The following CELA2B variants were observed in gnomAD, a reference collection of about 807,000 sequenced individuals.
The protein encoded by CELA2B is chymotrypsin like elastase 2B, also known as chymotrypsin-like elastase family member 2B.
CELA2B carries 27 observed loss-of-function variants against 36.5 expected under a neutral mutation model. The observed-to-expected ratio is 0.74, with a 90% CI of 0.55 to 1.02. The LOEUF is 1.02. Among genes scored for constraint, CELA2B ranks in the 50% least tolerant of loss-of-function variants. The probability of loss-of-function intolerance (pLI) is 0.00; values close to 1 mark genes in which losing one functional copy is unlikely to be tolerated. For synonymous variants in CELA2B, 143 were observed against 148.5 expected, an observed-to-expected ratio of 0.96 and a Z score of 0.27; for missense variants, 340 against 347.8, an observed-to-expected ratio of 0.98 and a Z score of 0.18.
At chr1:15,477,718 T>C (rs908721889) in intron 2 of CELA2B, among the ~76,000 whole-genome samples, 6 of 152,188 alleles carry the variant, frequency 3.9e-5, no homozygotes, top group African/African-American at 1.4e-4. Flanking sequence ...AAGAGCAATT[T>C]TTTAGGAATC....
At chr1:15,485,856 C>T (rs1235905163) in intron 5 of CELA2B, 45 bp from the exon 6 acceptor site, 1 of 1,606,808 alleles carries the variant, frequency 6.2e-7, no homozygotes, top group Admixed American at 1.7e-5. Flanking sequence ...TCCTTTTTCT[C>T]AGGAGTCCCT....
At chr1:15,486,171 G>A in intron 6 of CELA2B, 125 bp downstream of exon 6, 2 of 1,237,064 alleles carry the variant, frequency 1.6e-6, no homozygotes, top group East Asian at 2.4e-5. Flanking sequence ...CCCGGAAATG[G>A]TACCAGATAT....
At chr1:15,484,011 G>A (rs1708775536) in intron 5 of CELA2B, among the ~76,000 whole-genome samples, 1 of 152,128 alleles carries the variant, frequency 6.6e-6, no homozygotes, top group South Asian at 2.1e-4. Flanking sequence ...AGGAAGCCTG[G>A]CATGTGGTAG....
intron 2 of CELA2B, 85 bp from the exon 3 acceptor site, chr1:15,481,013 T>C: frequency 6.6e-7 from 1 of 1,506,738 alleles, no homozygotes; most frequent in East Asian, 2.3e-5. Flanking sequence ...CCCCTTACCC[T>C]TGTCCCAGCC....
chr1:15,482,373 C>A lies in CELA2B; in HGVS notation c.336C>A (p.Asn112Lys). Reference protein sequence around the residue: ...VSKIVVHKDWNSDQVSKGNDI... With the variant: ...VSKIVVHKDWKSDQVSKGNDI... ...AGATTGTGGTGCACAAGGACTGGAA[C>A]TCCGACCAGGTCTCCAAAGGGTTCG... Residue 112 changes from asparagine to lysine, a missense_variant, in exon 4 of 8, where the codon AAC (asparagine) becomes AAA (lysine). Asn to Lys is a moderately conservative substitution (Grantham distance 94, BLOSUM62 0). Transcript: ENST00000375910. The A allele has an allele frequency of 6.2e-7, 1 of 1,614,148 alleles. No individual in the cohort carries two copies. The highest frequency in any genetic ancestry group is 2.2e-5 in the East Asian group (1 of 44,880).
chr1:15,478,494 C>T (rs1268023451), intron 2 of CELA2B, among the ~76,000 whole-genome samples: 5 of 151,796 alleles, frequency 3.3e-5, no homozygotes, highest in South Asian at 4.1e-4. Context: ...CCACCTGCCT[C>T]GGCCTCCCAA....
At chr1:15,481,289 T>C (rs1708739587) in intron 3 of CELA2B, 94 bp downstream of exon 3, 4 of 1,443,702 alleles carry the variant, frequency 2.8e-6, no homozygotes, top group Non-Finnish European at 2.9e-6. Flanking sequence ...CTACATGAAG[T>C]AACCTTGCAA....
rs150590308 is a variant in CELA2B, at chr1:15,485,033, G to C, written c.494-868G>C. On this transcript the variant is annotated intron_variant, in intron 5 of 7. Transcript: ENST00000375910. The stretch of plus-strand genomic sequence containing the variant: ...CTGCCTCAGCCTCCTGAGCAGCTGG[G>C]ATTACAGGCATGTGCACCACGCCCA... Among the ~76,000 whole-genome samples, 185 of 152,154 alleles carry C rather than the reference G, an allele frequency of 1.2e-3. 1 individual carries two copies. The highest frequency in any genetic ancestry group is 4.2e-3 in the African/African-American group (175 of 41,500).
intron 3 of CELA2B, chr1:15,481,813 G>A: frequency 2.1e-6 from 1 of 467,618 alleles, no homozygotes; most frequent in South Asian, 1.6e-5. Flanking sequence ...AGCTCTAGGA[G>A]GTGATGGGGA....
intron 6 of CELA2B, 131 bp from the exon 7 acceptor site, chr1:15,487,154 C>G (rs1708814032): frequency 3.7e-6 from 3 of 807,884 alleles, no homozygotes; most frequent in Non-Finnish European, 6.1e-6. Context: ...CCACCTTGAG[C>G]TATGACCACA....
In CELA2B at chr1:15,487,333, G is replaced by C. The variant is rs769525946; in HGVS notation, c.688G>C (p.Glu230Gln). 17 of 1,614,220 alleles carry C rather than the reference G, an allele frequency of 1.1e-5. No individual in the cohort carries two copies. The highest frequency in any genetic ancestry group is 1.6e-4 in the Middle Eastern group (1 of 6,062). The change falls in exon 7 of 8, where the codon GAG (glutamate) becomes CAG (glutamine). Residue 230 changes from glutamate to glutamine, a missense_variant. Transcript: ENST00000375910. ...LNCQASDGRW[E>Q]VHGIGSLTSV... ...CTGTCAGGCATCTGACGGCCGGTGG[G>C]AGGTGCATGGCATCGGCAGCCTCAC...
intron 3 of CELA2B, 30 bp from the exon 4 acceptor site, chr1:15,482,235 G>A: frequency 6.2e-7 from 1 of 1,612,318 alleles, no homozygotes. Flanking sequence ...CTCTGGAGGT[G>A]ACCCTCTCCC....
intron 5 of CELA2B, among the ~76,000 whole-genome samples, chr1:15,483,802 G>A (rs1557525686): frequency 2.0e-5 from 3 of 151,986 alleles, no homozygotes; most frequent in Admixed American, 6.6e-5. Context: ...GGTGTTGTGC[G>A]CCTGTAGTCC....
At chr1:15,476,754 G>A (rs1171434166) in intron 2 of CELA2B, among the ~76,000 whole-genome samples, 1 of 152,122 alleles carries the variant, frequency 6.6e-6, no homozygotes, top group African/African-American at 2.4e-5. Context: ...AGGTCGTGGT[G>A]GGCAGATTAC....
intron 3 of CELA2B, chr1:15,481,788 A>C: frequency 2.1e-6 from 1 of 469,366 alleles, no homozygotes; most frequent in South Asian, 1.6e-5. Flanking sequence ...CCCTTCTCCC[A>C]TCCGACTTAT....
intron 6 of CELA2B, 35 bp downstream of exon 6, chr1:15,486,081 C>T (rs369557552): frequency 5.0e-6 from 8 of 1,601,710 alleles, no homozygotes; most frequent in Middle Eastern, 1.7e-4. Flanking sequence ...CGCTCCATGA[C>T]AAAATGTGGC....
Position 15,485,879 on chromosome 1 carries a change from G to A in CELA2B, c.494-22G>A, listed in dbSNP as rs758864976. Reference sequence around the variant, plus strand: ...CTCAGGAGTCCCTGCGTCCCTAATGGCTTCTCTCTGGTCTCATTCAGCCAA... The same window carrying A: ...CTCAGGAGTCCCTGCGTCCCTAATGACTTCTCTCTGGTCTCATTCAGCCAA... On this transcript the variant is annotated intron_variant, in intron 5 of 7. Transcript: ENST00000375910. 6 of 1,613,582 alleles carry A rather than the reference G, an allele frequency of 3.7e-6. No homozygotes were observed. In the South Asian group the frequency reaches 6.6e-5, roughly 18 times the overall value.
chr1:15,491,280 G>A lies in CELA2B; in HGVS notation c.793-15G>A. ...TACGTGAACCTGACAATTTTCTTGT[G>A]TGTGTGTCCTGCAGGTGATTGCAAA... On this transcript the variant is annotated splice_polypyrimidine_tract_variant and intron_variant, in intron 7 of 7. Transcript: ENST00000375910. The A allele has an allele frequency of 6.2e-7, 1 of 1,614,020 alleles. No homozygotes were observed. The highest frequency in any genetic ancestry group is 8.5e-7 in the Non-Finnish European group (1 of 1,179,896).
intron 6 of CELA2B, among the ~76,000 whole-genome samples, chr1:15,486,290 G>A (rs1464347392): frequency 6.6e-6 from 1 of 152,154 alleles, no homozygotes; most frequent in African/African-American, 2.4e-5. Context: ...AGACCAGCCT[G>A]GCCAACATGG....
Sources: allele counts gnomAD v4.1 joint callset (sites outside exome capture counted in the v4.1 genomes callset), GRCh38; gene constraint gnomAD v4.1.1; transcripts MANE v1.5; gene names NCBI Gene and HGNC (gene_info 2026-07-23, HGNC 2026-07-21).